The following SYT14 variants were observed in gnomAD, a reference collection of about 807,000 sequenced individuals.
SYT14 encodes the protein synaptotagmin 14.
In SYT14, 32 loss-of-function variants were observed where a neutral mutation model predicts 74.2. That is an observed-to-expected ratio of 0.43 (90% CI 0.33 to 0.58). The LOEUF (loss-of-function observed/expected upper bound fraction) is 0.58. SYT14 is among the 20% of genes least tolerant of loss of function. The probability of loss-of-function intolerance (pLI) is 0.05; values close to 1 mark genes in which losing one functional copy is unlikely to be tolerated. For synonymous variants in SYT14, 298 were observed against 337.7 expected (o/e 0.88, Z 1.29); for missense variants, 791 against 981.8 (o/e 0.81, Z 2.60).
At chr1:210,078,086 G>A (rs1039938590) in intron 5 of SYT14, among the ~76,000 whole-genome samples, 6 of 152,090 alleles carry the variant, frequency 3.9e-5, no homozygotes, top group South Asian at 4.2e-4. Flanking sequence ...CGAGGCGGGC[G>A]GATCACGAGG....
At chr1:210,006,543 T>G (rs960900384) in intron 2 of SYT14, among the ~76,000 whole-genome samples, 1 of 151,966 alleles carries the variant, frequency 6.6e-6, no homozygotes, top group Non-Finnish European at 1.5e-5. Flanking sequence ...GGTCAAGAGA[T>G]AGAATTGCAT....
intron 7 of SYT14, among the ~76,000 whole-genome samples, chr1:210,142,887 A>AAC (rs2102676602): frequency 6.6e-6 from 1 of 152,320 alleles, no homozygotes; most frequent in South Asian, 2.1e-4. Context: ...CTATTTTTAA[A>AAC]ACACTTATGT....
chr1:210,142,913 CT>C (rs772886431), intron 7 of SYT14, among the ~76,000 whole-genome samples: 4 of 152,166 alleles, frequency 2.6e-5, no homozygotes, highest in African/African-American at 4.8e-5. Flanking sequence ...CTCACGTAAT[CT>C]TATCACTTGA....
chr1:210,037,321 C>T (rs900184898), intron 5 of SYT14, among the ~76,000 whole-genome samples: 1 of 151,812 alleles, frequency 6.6e-6, no homozygotes, highest in Admixed American at 6.6e-5. Flanking sequence ...GTATTCTTTC[C>T]TCTTTTGTTT....
At chr1:209,984,035 C>A (rs952009154) in intron 2 of SYT14, among the ~76,000 whole-genome samples, 4 of 152,172 alleles carry the variant, frequency 2.6e-5, no homozygotes, top group Non-Finnish European at 4.4e-5. Context: ...TCCAAAAAAA[C>A]CAACCAAAGA....
Position 210,106,553 on chromosome 1 carries a change from C to T in SYT14, c.2034+6092C>T, listed in dbSNP as rs116966182. Among the ~76,000 whole-genome samples, 21 of 152,220 alleles carry T rather than the reference C, an allele frequency of 1.4e-4. No individual in the cohort carries two copies. The East Asian group carries it at 3.7e-3, about 27-fold the overall frequency. On this transcript the variant is annotated intron_variant, in intron 7 of 9. Coordinates refer to ENST00000637265, the Ensembl canonical transcript of SYT14. Reference sequence around the variant, plus strand: ...AAGGGGAAGCAAACATGTCCTTCTCCACATGGCGGCAACAAGGAGAAGTGC... The same window carrying T: ...AAGGGGAAGCAAACATGTCCTTCTCTACATGGCGGCAACAAGGAGAAGTGC...
intron 1 of SYT14, among the ~76,000 whole-genome samples, chr1:209,949,015 C>A (rs1218858092): frequency 1.3e-5 from 2 of 152,188 alleles, no homozygotes; most frequent in East Asian, 3.8e-4. Context: ...TTTTGGATAA[C>A]CACCACATCT....
rs1472677867 is a variant in SYT14, at chr1:210,113,410, T to A, written c.2034+12949T>A. The stretch of plus-strand genomic sequence containing the variant: ...AACAATTTAGTTGATAAGGCACAGA[T>A]CCTGAACTAACTTGTAAGACTTGTC... On this transcript the variant is annotated intron_variant, in intron 7 of 9. Transcript: ENST00000637265. Among the ~76,000 whole-genome samples the A allele has an allele frequency of 4.6e-5, 7 of 151,352 alleles. 2 individuals are homozygous for A. The highest frequency in any genetic ancestry group is 1.7e-4 in the African/African-American group (7 of 40,662).
intron 4 of SYT14, among the ~76,000 whole-genome samples, chr1:210,017,742 A>G (rs894451528): frequency 3.6e-4 from 55 of 152,314 alleles, no homozygotes; most frequent in Middle Eastern, 3.4e-3. Flanking sequence ...TATTTGTGAT[A>G]ATTTTCATTA....
At chr1:210,035,935 C>T (rs771407681) in intron 5 of SYT14, among the ~76,000 whole-genome samples, 5 of 151,544 alleles carry the variant, frequency 3.3e-5, no homozygotes, top group Non-Finnish European at 7.4e-5. Flanking sequence ...TTTCTAATTC[C>T]GTGAAAAACG....
At chr1:210,141,692 A>AT (rs950179686) in intron 7 of SYT14, among the ~76,000 whole-genome samples, 7 of 152,200 alleles carry the variant, frequency 4.6e-5, no homozygotes, top group Admixed American at 3.3e-4. Flanking sequence ...CAGAGATTTC[A>AT]TTAAGTCTTT....
intron 7 of SYT14, among the ~76,000 whole-genome samples, chr1:210,134,669 C>T (rs1046470994): frequency 6.6e-6 from 1 of 152,128 alleles, no homozygotes; most frequent in Admixed American, 6.6e-5. Flanking sequence ...TCTGCCCCTA[C>T]CCCTAAACAT....
intron 5 of SYT14, among the ~76,000 whole-genome samples, chr1:210,080,163 G>A (rs10779521): frequency 6.6e-6 from 1 of 152,064 alleles, no homozygotes; most frequent in African/African-American, 2.4e-5. Flanking sequence ...TAAAGCAATG[G>A]ATTTGAAATA....
At chr1:210,088,599 T>C (rs1026301325) in intron 5 of SYT14, among the ~76,000 whole-genome samples, 1 of 152,070 alleles carries the variant, frequency 6.6e-6, no homozygotes, top group African/African-American at 2.4e-5. Context: ...TGCCCATCAA[T>C]GTTAGACTGG....
intron 2 of SYT14, among the ~76,000 whole-genome samples, chr1:209,962,163 T>G (rs1049877464): frequency 6.6e-6 from 1 of 152,110 alleles, no homozygotes; most frequent in Non-Finnish European, 1.5e-5. Context: ...GCTCTTTTTC[T>G]CAGTGTATAA....
At chr1:210,053,178 A>C (rs1329090628) in intron 5 of SYT14, among the ~76,000 whole-genome samples, 1 of 152,200 alleles carries the variant, frequency 6.6e-6, no homozygotes, top group Non-Finnish European at 1.5e-5. Context: ...TTGTAGTAGA[A>C]TCTCCTTTGG....
chr1:210,169,762 T>G (rs747094248), exon 10 of SYT14: 1 of 152,154 alleles, frequency 6.6e-6, no homozygotes, highest in Non-Finnish European at 1.5e-5. Flanking sequence ...ATAGTTATTA[T>G]ATGAGTTTTA....
intron 7 of SYT14, among the ~76,000 whole-genome samples, chr1:210,106,944 A>G (rs2102565738): frequency 6.6e-6 from 1 of 152,348 alleles, no homozygotes; most frequent in East Asian, 1.9e-4. Flanking sequence ...CTGTGAAATA[A>G]AAAGCAAGTT....
intron 2 of SYT14, among the ~76,000 whole-genome samples, chr1:209,993,438 C>T (rs971122627): frequency 3.3e-5 from 5 of 152,182 alleles, no homozygotes; most frequent in South Asian, 4.1e-4. Flanking sequence ...CCCCAAGCTG[C>T]GGGACATCTG....
Sources: gnomAD v4.1 joint callset for allele counts (sites outside exome capture counted in the v4.1 genomes callset) on GRCh38, gnomAD v4.1.1 for gene constraint, MANE v1.5 for transcripts, NCBI Gene and HGNC (gene_info 2026-07-23, HGNC 2026-07-21) for gene names.